FAM83B: variants seen among roughly 807,000 people sequenced by gnomAD.
FAM83B encodes protein FAM83B.
A neutral mutation model predicts 38.8 loss-of-function variants in FAM83B; 26 were observed. The observed-to-expected ratio is 0.67, with a 90% CI of 0.49 to 0.93. FAM83B has a LOEUF of 0.93. Among genes scored for constraint, FAM83B ranks in the 40% least tolerant of loss-of-function variants. The pLI is 0.00. For synonymous variants in FAM83B, 419 were observed against 423.1 expected, an observed-to-expected ratio of 0.99 and a Z score of 0.12; for missense variants, 1,237 against 1,197.3, an observed-to-expected ratio of 1.03 and a Z score of -0.49.
intron 2 of FAM83B, among the ~76,000 whole-genome samples, chr6:54,895,621 T>C (rs939524019): frequency 1.3e-5 from 2 of 152,216 alleles, no homozygotes; most frequent in Non-Finnish European, 2.9e-5. Context: ...TTGACATTCA[T>C]AGTTTTTATA....
At chr6:54,908,403 A>G (rs1022280717) in intron 2 of FAM83B, among the ~76,000 whole-genome samples, 1 of 152,132 alleles carries the variant, frequency 6.6e-6, no homozygotes, top group African/African-American at 2.4e-5. Context: ...ACTACCAAAG[A>G]AAAGAGCTCC....
At chr6:54,928,926 A>G (rs1206040894) in intron 4 of FAM83B, among the ~76,000 whole-genome samples, 1 of 152,122 alleles carries the variant, frequency 6.6e-6, no homozygotes, top group Non-Finnish European at 1.5e-5. Flanking sequence ...AATGTGGGGG[A>G]AAATCAAACA....
chr6:54,861,162 C>A (rs1351203115), intron 1 of FAM83B, among the ~76,000 whole-genome samples: 1 of 152,200 alleles, frequency 6.6e-6, no homozygotes, highest in Non-Finnish European at 1.5e-5. Context: ...GTTATTAAGG[C>A]AGTATTTCAT....
At chr6:54,927,028 C>T (rs938599441) in intron 3 of FAM83B, among the ~76,000 whole-genome samples, 7 of 152,074 alleles carry the variant, frequency 4.6e-5, no homozygotes, top group African/African-American at 1.2e-4. Context: ...CCACCGTGCC[C>T]GGCCTTCATG....
intron 1 of FAM83B, among the ~76,000 whole-genome samples, chr6:54,860,116 C>T (rs1157720365): frequency 6.6e-6 from 1 of 151,824 alleles, no homozygotes; most frequent in East Asian, 1.9e-4. Context: ...TAATTTTGCT[C>T]TTATATAGTT....
intron 1 of FAM83B, among the ~76,000 whole-genome samples, chr6:54,852,074 C>T (rs1341696835): frequency 1.4e-5 from 2 of 145,584 alleles, no homozygotes; most frequent in Non-Finnish European, 3.2e-5. Context: ...AGCCACTGCG[C>T]CTGGCCTATT....
At chr6:54,920,820 A>T (rs768859369) in intron 2 of FAM83B, among the ~76,000 whole-genome samples, 3 of 151,920 alleles carry the variant, frequency 2.0e-5, no homozygotes, top group Non-Finnish European at 4.4e-5. Context: ...AGATATTTTC[A>T]GTATGCGTAT....
chr6:54,902,293 A>G lies in FAM83B; in HGVS notation c.445-24078A>G, dbSNP rs542996891. ...TTTCTCAAGCTCCTGGCCTCAAGCA[A>G]TCCTCCCTCCTCAGCCTCCCGAGTA... On this transcript the variant is annotated intron_variant, in intron 2 of 4. Transcript: ENST00000306858. Among the ~76,000 whole-genome samples the G allele has an allele frequency of 2.0e-5, 3 of 152,236 alleles. No homozygotes were observed. In the South Asian group the frequency reaches 6.2e-4, roughly 32 times the overall value.
chr6:54,878,142 C>T (rs1167680184), intron 2 of FAM83B, among the ~76,000 whole-genome samples: 1 of 152,186 alleles, frequency 6.6e-6, no homozygotes, highest in Non-Finnish European at 1.5e-5. Context: ...TGAAGTTGTC[C>T]TTTGGCCTCT....
At chr6:54,849,239 T>A (rs922898899) in intron 1 of FAM83B, among the ~76,000 whole-genome samples, 2 of 151,972 alleles carry the variant, frequency 1.3e-5, no homozygotes, top group Non-Finnish European at 2.9e-5. Context: ...TCTGAGAAAA[T>A]GTGTTAGAGC....
At chr6:54,884,605 C>A (rs1327808856) in intron 2 of FAM83B, among the ~76,000 whole-genome samples, 1 of 151,830 alleles carries the variant, frequency 6.6e-6, no homozygotes, top group East Asian at 1.9e-4. Flanking sequence ...ATTTTGATTT[C>A]CATATGAATA....
intron 1 of FAM83B, among the ~76,000 whole-genome samples, chr6:54,868,262 A>G (rs920074408): frequency 1.1e-4 from 17 of 152,124 alleles, no homozygotes; most frequent in Non-Finnish European, 2.1e-4. Context: ...TGGCTGTCTC[A>G]TGCATTGTAG....
intron 2 of FAM83B, among the ~76,000 whole-genome samples, chr6:54,904,420 T>C (rs1293751852): frequency 6.6e-6 from 1 of 152,162 alleles, no homozygotes; most frequent in East Asian, 1.9e-4. Context: ...TTAAATATTG[T>C]TCTAAACTAG....
chr6:54,884,775 A>ATT (rs34445504), intron 2 of FAM83B, among the ~76,000 whole-genome samples: 31 of 141,632 alleles, frequency 2.2e-4, no homozygotes, highest in African/African-American at 7.8e-4. Flanking sequence ...GTCCTCCAGT[A>ATT]TTTTTTTTTT....
chr6:54,927,728 TAAAA>T (rs1049777485), intron 4 of FAM83B, 96 bp downstream of exon 4: 166 of 99,078 alleles, frequency 1.7e-3, no homozygotes, highest in South Asian at 3.8e-3. Flanking sequence ...TTCTTAAAAG[TAAAA>T]AAAAAAAAAA....
At chr6:54,859,141 A>G (rs1581881766) in intron 1 of FAM83B, among the ~76,000 whole-genome samples, 1 of 151,654 alleles carries the variant, frequency 6.6e-6, no homozygotes, top group African/African-American at 2.4e-5. Flanking sequence ...GCTCACTGCA[A>G]CCTCCGCCTC....
chr6:54,860,043 TTGTG>T (rs61235878), intron 1 of FAM83B, among the ~76,000 whole-genome samples: 60,363 of 150,354 alleles, frequency 0.4, 13,306 homozygotes, highest in East Asian at 0.83. Flanking sequence ...ACCACCCTCA[TTGTG>T]TGTGTGTGTG....
chr6:54,869,205 G>A (rs190998992), intron 1 of FAM83B, among the ~76,000 whole-genome samples: 6 of 152,226 alleles, frequency 3.9e-5, no homozygotes, highest in African/African-American at 7.2e-5. Context: ...ATTTCATCTC[G>A]TATACTCTGT....
chr6:54,907,761 G>A (rs2127583589), intron 2 of FAM83B, among the ~76,000 whole-genome samples: 2 of 152,206 alleles, frequency 1.3e-5, no homozygotes, highest in African/African-American at 4.8e-5. Context: ...GTTAAACACT[G>A]TAATGTTGCC....
Sources: allele counts gnomAD v4.1 joint callset (sites outside exome capture counted in the v4.1 genomes callset), GRCh38; gene constraint gnomAD v4.1.1; transcripts MANE v1.5; gene names NCBI Gene and HGNC (gene_info 2026-07-23, HGNC 2026-07-21).